The following RAD51B variants were observed in gnomAD, a reference collection of about 807,000 sequenced individuals.
RAD51B encodes DNA repair protein RAD51 homolog 2.
RAD51B carries 38 observed loss-of-function variants against 42.2 expected under a neutral mutation model. That is an observed-to-expected ratio of 0.90 (90% confidence interval 0.70 to 1.18). RAD51B has a LOEUF of 1.18. RAD51B is among the 50% of genes most tolerant of loss of function. RAD51B has a pLI of 0.00. For synonymous variants in RAD51B, 154 were observed against 145.2 expected, an observed-to-expected ratio of 1.06 and a Z score of -0.43; for missense variants, 373 against 400.7, an observed-to-expected ratio of 0.93 and a Z score of 0.59.
chr14:67,978,715 A>G (rs144480731), intron 7 of RAD51B, among the ~76,000 whole-genome samples: 54 of 152,284 alleles, frequency 3.5e-4, no homozygotes, highest in Admixed American at 2.4e-3. Flanking sequence ...CTACTTTAAT[A>G]TTTCTAAAAG....
At chr14:68,246,188 G>T (rs1433586216) in intron 7 of RAD51B, among the ~76,000 whole-genome samples, 1 of 151,906 alleles carries the variant, frequency 6.6e-6, no homozygotes, top group Non-Finnish European at 1.5e-5. Flanking sequence ...GGAGAAAAAA[G>T]AATTCAGCAC....
chr14:68,514,504 C>G (rs1462472582), intron 10 of RAD51B, among the ~76,000 whole-genome samples: 1 of 152,198 alleles, frequency 6.6e-6, no homozygotes, highest in African/African-American at 2.4e-5. Flanking sequence ...CTTGGGTTCC[C>G]CAGCTCCAGG....
intron 8 of RAD51B, among the ~76,000 whole-genome samples, chr14:68,301,737 C>T (rs1417932150): frequency 6.6e-6 from 1 of 152,018 alleles, no homozygotes; most frequent in Non-Finnish European, 1.5e-5. Context: ...GCTGGGATTA[C>T]AGGCATGCAC....
intron 7 of RAD51B, among the ~76,000 whole-genome samples, chr14:68,024,731 G>A (rs2075924406): frequency 6.6e-6 from 1 of 152,046 alleles, no homozygotes; most frequent in African/African-American, 2.4e-5. Context: ...ATTAGCCCTA[G>A]GAGGCTTTTG....
rs1418223445 is a variant in RAD51B, at chr14:68,184,629, A to AAC, written c.757-107254_757-107253insCA. Among the ~76,000 whole-genome samples, 42 of 150,990 alleles carry AAC rather than the reference A, an allele frequency of 2.8e-4. 3 individuals are homozygous for AAC. Among genetic ancestry groups the AAC allele is most frequent in the Non-Finnish European group, 5.3e-4 (36 of 67,714 alleles). On this transcript the variant is annotated intron_variant, in intron 7 of 10. Transcript: ENST00000471583. ...TGTCTAAAAAAAAAAAAAAACCAAA[A>AAC]AAAAAAACAGGAAGAAGAAGAAGGA... is the stretch of plus-strand genomic sequence containing the variant.
intron 7 of RAD51B, among the ~76,000 whole-genome samples, chr14:68,160,013 A>G (rs958719323): frequency 6.6e-6 from 1 of 152,164 alleles, no homozygotes; most frequent in African/African-American, 2.4e-5. Context: ...ACTTACAATC[A>G]AACGGCATTT....
chr14:67,860,642 T>C (rs1001945090), intron 4 of RAD51B, among the ~76,000 whole-genome samples: 1 of 152,282 alleles, frequency 6.6e-6, no homozygotes. Flanking sequence ...TTGAAATGCA[T>C]TAAAAAAACC....
intron 9 of RAD51B, among the ~76,000 whole-genome samples, chr14:68,412,666 T>C (rs2084451300): frequency 6.6e-6 from 1 of 152,216 alleles, no homozygotes; most frequent in Non-Finnish European, 1.5e-5. Context: ...GAGCTGCTTG[T>C]TTCTATTCAG....
intron 7 of RAD51B, among the ~76,000 whole-genome samples, chr14:67,982,136 T>A (rs2075105524): frequency 6.6e-6 from 1 of 152,220 alleles, no homozygotes; most frequent in Admixed American, 6.5e-5. Flanking sequence ...GGTTTCACCA[T>A]GTTGGCCAGA....
At chr14:67,893,160 T>C (rs1246390207) in intron 7 of RAD51B, among the ~76,000 whole-genome samples, 1 of 152,114 alleles carries the variant, frequency 6.6e-6, no homozygotes, top group Non-Finnish European at 1.5e-5. Context: ...TGGCAAGATG[T>C]ATTGTAGTTA....
chr14:67,953,818 A>G (rs1252033239), intron 7 of RAD51B, among the ~76,000 whole-genome samples: 1 of 152,086 alleles, frequency 6.6e-6, no homozygotes, highest in Non-Finnish European at 1.5e-5. Context: ...GAAAATTAGG[A>G]AGAGGAGCTG....
At chr14:68,366,032 T>C (rs905068284) in intron 8 of RAD51B, among the ~76,000 whole-genome samples, 1 of 152,256 alleles carries the variant, frequency 6.6e-6, no homozygotes, top group East Asian at 1.9e-4. Context: ...CGCTTTTTGA[T>C]AAATTAAAAA....
chr14:68,600,164 TAC>T (rs1433645086), downstream of RAD51B, among the ~76,000 whole-genome samples: 1 of 152,196 alleles, frequency 6.6e-6, no homozygotes, highest in Non-Finnish European at 1.5e-5. Flanking sequence ...TCTGTACAGC[TAC>T]TCAGTGACTT....
chr14:68,228,344 T>G (rs2080082276), intron 7 of RAD51B, among the ~76,000 whole-genome samples: 1 of 152,212 alleles, frequency 6.6e-6, no homozygotes, highest in Non-Finnish European at 1.5e-5. Flanking sequence ...TTAATGAAAT[T>G]TTATTAGCTT....
At chr14:68,583,355 G>A (rs1890300293) in intron 10 of RAD51B, among the ~76,000 whole-genome samples, 2 of 152,166 alleles carry the variant, frequency 1.3e-5, no homozygotes, top group Admixed American at 1.3e-4. Flanking sequence ...TGTAAAATAA[G>A]TTTAGGAAAT....
chr14:68,632,979 T>A (rs1251829924), intron 10 of RAD51B, among the ~76,000 whole-genome samples: 1 of 86,450 alleles, frequency 1.2e-5, no homozygotes, highest in Non-Finnish European at 2.5e-5. Flanking sequence ...TTTTTTTTTT[T>A]TTTTTTTTTT....
intron 7 of RAD51B, among the ~76,000 whole-genome samples, chr14:68,072,070 A>ATAATTATATATATTTATATATATTT (rs1440869222): frequency 9.6e-6 from 1 of 104,700 alleles, no homozygotes; most frequent in Non-Finnish European, 1.8e-5. Flanking sequence ...TATTTATATA[A>ATAATTATATATATTTATATATATTT]ATATATAAAT....
chr14:68,666,224 C>G (rs1893030703), intron 11 of RAD51B, among the ~76,000 whole-genome samples: 1 of 152,164 alleles, frequency 6.6e-6, no homozygotes, highest in Non-Finnish European at 1.5e-5. Context: ...GTCCTGATAA[C>G]ACATTATTTT....
chr14:68,096,669 G>A (rs550656573), intron 7 of RAD51B, among the ~76,000 whole-genome samples: 1 of 152,246 alleles, frequency 6.6e-6, no homozygotes, highest in South Asian at 2.1e-4. Flanking sequence ...TCAAGGTCAG[G>A]AAACAACGAT....
Sources: gnomAD v4.1 joint callset for allele counts (sites outside exome capture counted in the v4.1 genomes callset) on GRCh38, gnomAD v4.1.1 for gene constraint, MANE v1.5 for transcripts, NCBI Gene and HGNC (gene_info 2026-07-23, HGNC 2026-07-21) for gene names.